Variants in AGK observed in about 807,000 individuals in gnomAD.
AGK encodes the protein acylglycerol kinase, also known as acylglycerol kinase, mitochondrial.
In AGK, 52 loss-of-function variants were observed where a neutral mutation model predicts 66.4. The ratio of observed to expected loss-of-function variants is 0.78; its 90% CI spans 0.63 to 0.99. The LOEUF (loss-of-function observed/expected upper bound fraction) is 0.99, where lower values mean the gene tolerates loss of function less well. Ranked by LOEUF, AGK falls within the 50% of genes least tolerant of loss-of-function variation. AGK has a pLI of 0.00. For missense variants in AGK, 451 were observed against 506.6 expected (o/e 0.89, Z 1.05); for synonymous variants, 182 against 181.1 (o/e 1.00, Z -0.04).
intron 13 of AGK, among the ~76,000 whole-genome samples, chr7:141,644,864 T>G (rs1405036591): frequency 6.6e-6 from 1 of 152,134 alleles, no homozygotes; most frequent in African/African-American, 2.4e-5. Flanking sequence ...CCATTGATCT[T>G]CAATAAACCT....
intron 3 of AGK, chr7:141,594,065 C>A (rs534402908): frequency 6.6e-6 from 1 of 152,082 alleles, no homozygotes; most frequent in African/African-American, 2.4e-5. Context: ...CTCTTTTTAG[C>A]GATTGTTATC....
In AGK at chr7:141,653,514, T is replaced by C. The variant is rs1470301286; in HGVS notation, c.*590T>C. On this transcript the variant is annotated 3_prime_UTR_variant, in exon 16 of 16. Transcript: ENST00000649286. Reference sequence around the variant, plus strand: ...ATTTTTTTAAGTAGTGCTTCCTAAATGGTTTGCATGAGAGCCACCTGGGGT... The same window carrying C: ...ATTTTTTTAAGTAGTGCTTCCTAAACGGTTTGCATGAGAGCCACCTGGGGT... 1 of 152,304 alleles carries C rather than the reference T, an allele frequency of 6.6e-6. No individual in the cohort carries two copies. The highest frequency in any genetic ancestry group is 1.5e-5 in the Non-Finnish European group (1 of 68,106). 9.4% of individuals were successfully genotyped at this position (152,304 alleles called of 1,614,324 possible). A position where few individuals can be genotyped will look rare whatever the true frequency, so the allele number is the denominator to read the frequency against.
intron 2 of AGK, among the ~76,000 whole-genome samples, chr7:141,576,402 C>A (rs1427767767): frequency 6.6e-6 from 1 of 151,678 alleles, no homozygotes; most frequent in Non-Finnish European, 1.5e-5. Context: ...TTCCGATCTG[C>A]TATTTTAAAG....
At chr7:141,618,512 T>TG (rs1460265238) in intron 8 of AGK, among the ~76,000 whole-genome samples, 1 of 152,186 alleles carries the variant, frequency 6.6e-6, no homozygotes, top group Non-Finnish European at 1.5e-5. Flanking sequence ...AAAATTCATT[T>TG]GGGGGGACAA....
At position 141,641,276 on chromosome 7, in the gene AGK, T is replaced by C. The variant is rs755282377; in HGVS notation, c.755T>C (p.Ile252Thr). The C allele has an allele frequency of 6.2e-7, 1 of 1,613,824 alleles. No homozygotes were observed. The highest frequency in any genetic ancestry group is 1.1e-5 in the South Asian group (1 of 91,048). The change falls in exon 12 of 16, where the codon ATC becomes ACC. Residue 252 changes from isoleucine to threonine, a missense_variant. Physicochemically the swap from Ile to Thr is moderately conservative, Grantham distance 89 (BLOSUM62 -1). Transcript: ENST00000649286. ...TGGCCTCAGACTCATCAAGCCTCTA[T>C]CTCATACACGGGACCTACAGAGAGA... The part of the protein sequence containing the change: ...KEWPQTHQAS[I>T]SYTGPTERPP...
chr7:141,641,918 C>CT lies in AGK; in HGVS notation c.975+16dup, dbSNP rs1333679109. 14 of 1,565,754 alleles carry CT rather than the reference C, an allele frequency of 8.9e-6. No individual in the cohort carries two copies. Among genetic ancestry groups the CT allele is most frequent in the African/African-American group, 2.7e-5 (2 of 74,164 alleles). ...TCAGCTTGACCCGACAGTAAGTGTG[C>CT]TTTTTTATTAGAAAAGCATTTGGTA... On this transcript the variant is annotated intron_variant, in intron 13 of 15. Transcript: ENST00000649286.
At chr7:141,611,090 AAGAC>A in intron 5 of AGK, 101 bp from the exon 6 acceptor site, 1 of 619,984 alleles carries the variant, frequency 1.6e-6, no homozygotes, top group South Asian at 2.3e-5. Context: ...AAAATTTACG[AAGAC>A]AGTCAATGTA....
intron 14 of AGK, 53 bp from the exon 15 acceptor site, chr7:141,651,472 C>T (rs531191012): frequency 3.9e-4 from 586 of 1,499,752 alleles, no homozygotes; most frequent in Non-Finnish European, 5.2e-4. Context: ...ATTGTTGCAA[C>T]CTAGTGCAGT....
intron 14 of AGK, chr7:141,650,612 T>C: frequency 1.0e-6 from 1 of 985,450 alleles, no homozygotes; most frequent in Non-Finnish European, 1.2e-6. Context: ...TAGATTAGCT[T>C]TTACTGTATT....
At chr7:141,648,867 C>T (rs1797479428) in intron 13 of AGK, among the ~76,000 whole-genome samples, 1 of 152,174 alleles carries the variant, frequency 6.6e-6, no homozygotes, top group Non-Finnish European at 1.5e-5. Context: ...CGATTCCATG[C>T]TGTCATGTGA....
chr7:141,648,751 T>G (rs930473593), intron 13 of AGK, among the ~76,000 whole-genome samples: 1 of 152,192 alleles, frequency 6.6e-6, no homozygotes, highest in Admixed American at 6.5e-5. Context: ...TTTTAAACAT[T>G]ACCATAGAAT....
intron 2 of AGK, among the ~76,000 whole-genome samples, chr7:141,588,498 C>A (rs1796039224): frequency 6.6e-6 from 1 of 152,160 alleles, no homozygotes; most frequent in Admixed American, 6.5e-5. Flanking sequence ...CACCTGTAAT[C>A]CCAGCTACTT....
chr7:141,605,305 C>T (rs1377184270), intron 5 of AGK, among the ~76,000 whole-genome samples: 4 of 152,216 alleles, frequency 2.6e-5, no homozygotes, highest in African/African-American at 9.6e-5. Flanking sequence ...AGTGAGTCAA[C>T]CCCGCTTTTA....
chr7:141,592,837 G>A (rs749638198), intron 2 of AGK, among the ~76,000 whole-genome samples: 3 of 151,990 alleles, frequency 2.0e-5, no homozygotes, highest in East Asian at 1.9e-4. Flanking sequence ...CCGAGTAGTT[G>A]GGATTACAGG....
At chr7:141,564,565 GA>G (rs1795425897) in intron 2 of AGK, among the ~76,000 whole-genome samples, 3 of 152,100 alleles carry the variant, frequency 2.0e-5, no homozygotes, top group African/African-American at 7.2e-5. Flanking sequence ...GGGATTATGG[GA>G]ACTGTAGTTC....
At position 141,653,042 on chromosome 7, in the gene AGK, C is replaced by G; in HGVS notation, c.*118C>G. On this transcript the variant is annotated 3_prime_UTR_variant, in exon 16 of 16. Transcript: ENST00000649286. ...GAGGGTCCCCAGGGCATTTTCATGG[C>G]AAGTACCCCTCTGCCCCCACTCCAG... The G allele has an allele frequency of 7.9e-7, 1 of 1,260,532 alleles. No individual in the cohort carries two copies. Among genetic ancestry groups the G allele is most frequent in the Non-Finnish European group, 1.1e-6 (1 of 903,126 alleles). The allele number at this position is 1,260,532 out of a possible 1,614,324, so 78.1% of individuals were successfully genotyped here. A position where few individuals can be genotyped will look rare whatever the true frequency, so the allele number is the denominator to read the frequency against.
intron 2 of AGK, among the ~76,000 whole-genome samples, chr7:141,584,248 A>G (rs1249447780): frequency 6.6e-6 from 1 of 152,096 alleles, no homozygotes; most frequent in African/African-American, 2.4e-5. Context: ...GAGGGTCACA[A>G]GGTGTTCAGT....
chr7:141,641,291 C>G lies in AGK; in HGVS notation c.770C>G (p.Pro257Arg), dbSNP rs1415430682. The G allele has an allele frequency of 6.2e-7, 1 of 1,613,964 alleles. No homozygotes were observed. Among genetic ancestry groups the G allele is most frequent in the Admixed American group, 1.7e-5 (1 of 60,000 alleles). The change falls in exon 12 of 16, where the codon CCT (proline) becomes CGT (arginine). Residue 257 changes from proline to arginine, a missense_variant. Pro to Arg is a moderately radical substitution (Grantham distance 103). Coordinates refer to ENST00000649286, the MANE Select transcript of AGK (RefSeq NM_018238.4). The part of the protein sequence containing the change: ...THQASISYTG[P>R]TERPPNEPEE... ...CAAGCCTCTATCTCATACACGGGAC[C>G]TACAGAGAGACCTCCCAATGAACCA...
intron 8 of AGK, among the ~76,000 whole-genome samples, chr7:141,619,754 G>T (rs190979721): frequency 7.4e-4 from 112 of 151,624 alleles, no homozygotes; most frequent in African/African-American, 2.6e-3. Context: ...AATACGAAAT[G>T]GTAGCCACTT....
Sources: gnomAD v4.1 joint callset for allele counts (sites outside exome capture counted in the v4.1 genomes callset) on GRCh38, gnomAD v4.1.1 for gene constraint, MANE v1.5 for transcripts, NCBI Gene and HGNC (gene_info 2026-07-23, HGNC 2026-07-21) for gene names.